The following TENT4A variants were observed in gnomAD, a reference collection of about 807,000 sequenced individuals.
The protein encoded by TENT4A is terminal nucleotidyltransferase 4A.
Under a neutral mutation model 72.8 loss-of-function variants are expected in TENT4A, and 7 were observed. The ratio of observed to expected loss-of-function variants is 0.10; its 90% confidence interval spans 0.05 to 0.18. The LOEUF (loss-of-function observed/expected upper bound fraction) is 0.18, where lower values mean the gene tolerates loss of function less well. TENT4A is among the 10% of genes least tolerant of loss of function. The pLI is 1.00. For synonymous variants in TENT4A, 456 were observed against 434.3 expected, an observed-to-expected ratio of 1.05 and a Z score of -0.62; for missense variants, 831 against 1,017.7, an observed-to-expected ratio of 0.82 and a Z score of 2.50.
At position 6,756,592 on chromosome 5, in the gene TENT4A, G is replaced by C. The variant is rs979817253; in HGVS notation, c.*1647G>C. On this transcript the variant is annotated 3_prime_UTR_variant, in exon 13 of 13. Transcript: ENST00000230859. ...TGGGAGCTGTCAGCTGCGACTGCAG[G>C]TTCTCTAGGAGGCATTCCAGAATAG... is the stretch of plus-strand genomic sequence containing the variant. 6.6e-6 allele frequency: 1 copy of C among 152,414 alleles called. No homozygotes were observed. The highest frequency in any genetic ancestry group is 1.5e-5 in the Non-Finnish European group (1 of 68,040). 9.4% of individuals were successfully genotyped at this position (152,414 alleles called of 1,614,324 possible). A position where few individuals can be genotyped will look rare whatever the true frequency, so the allele number is the denominator to read the frequency against.
intron 12 of TENT4A, among the ~76,000 whole-genome samples, chr5:6,754,540 G>A (rs921838543): frequency 5.9e-5 from 9 of 152,188 alleles, no homozygotes; most frequent in Admixed American, 6.5e-5. Flanking sequence ...TGTGTGGTTT[G>A]ATCCTGGTAC....
chr5:6,735,630 T>C (rs942677370), intron 1 of TENT4A, among the ~76,000 whole-genome samples: 3 of 152,230 alleles, frequency 2.0e-5, no homozygotes, highest in African/African-American at 7.2e-5. Flanking sequence ...GTTGAAAAGA[T>C]AGAAGCTTTA....
chr5:6,754,863 A>G lies in TENT4A; in HGVS notation c.2297A>G (p.His766Arg). 2 of 1,609,614 alleles carry G rather than the reference A, an allele frequency of 1.2e-6. No homozygotes were observed. Among genetic ancestry groups the G allele is most frequent in the Non-Finnish European group, 1.7e-6 (2 of 1,176,880 alleles). ...GVRPPVGNRG[H>R]HQYNRTGWRR... ...CGGCCCCCTGTGGGCAACAGGGGAC[A>G]CCACCAGTATAACCGCACCGGCTGG... The change falls in exon 13 of 13, where the codon CAC becomes CGC. Residue 766 changes from histidine (H) to arginine (R), a missense_variant. Physicochemically the swap from His to Arg is conservative, Grantham distance 29. Around this residue, in one of 3 missense-constraint regions of TENT4A, gnomAD observed 332 missense variants for 324.3 expected, o/e 1.02. Transcript: ENST00000230859.
At chr5:6,750,287 C>T (rs553035343) in intron 9 of TENT4A, 44 bp from the exon 10 acceptor site, 23 of 1,539,492 alleles carry the variant, frequency 1.5e-5, no homozygotes, top group Admixed American at 9.8e-5. Context: ...GGCTCCACGC[C>T]GCAGTTCTCA....
At chr5:6,733,255 C>T (rs1371386510) in intron 1 of TENT4A, among the ~76,000 whole-genome samples, 1 of 152,254 alleles carries the variant, frequency 6.6e-6, no homozygotes, top group Non-Finnish European at 1.5e-5. Flanking sequence ...TCCCAGGTCT[C>T]ACTGGCCGCC....
chr5:6,738,718 T>C lies in TENT4A; in HGVS notation c.876T>C (p.Tyr292=), dbSNP rs2126634632. The C allele has an allele frequency of 6.2e-7, 1 of 1,612,912 alleles. No individual in the cohort carries two copies. Among genetic ancestry groups the C allele is most frequent in the East Asian group, 2.2e-5 (1 of 44,886 alleles). The change falls in exon 3 of 13, where the codon TAT becomes TAC. Residue 292 remains tyrosine, a synonymous_variant. Coordinates refer to ENST00000230859, the MANE Select transcript of TENT4A (RefSeq NM_006999.6). ...QIFGSFSTGL[Y]LPTSDIDLVV... ...TTGGCAGCTTTAGTACAGGTCTTTA[T>C]CTTCCAACTAGGTGAGTACCAGACT...
intron 8 of TENT4A, among the ~76,000 whole-genome samples, chr5:6,749,234 C>T (rs760485475): frequency 1.2e-4 from 19 of 152,124 alleles, no homozygotes; most frequent in Admixed American, 2.0e-4. Flanking sequence ...GCACTCGTCT[C>T]GGTACCGTCT....
intron 4 of TENT4A, 71 bp from the exon 5 acceptor site, chr5:6,742,419 G>T: frequency 1.1e-6 from 1 of 941,014 alleles, no homozygotes; most frequent in South Asian, 1.3e-5. Flanking sequence ...GTACAGCTTT[G>T]GCAGCATTTT....
intron 7 of TENT4A, among the ~76,000 whole-genome samples, chr5:6,747,206 C>T (rs573233746): frequency 3.3e-5 from 5 of 152,212 alleles, no homozygotes; most frequent in South Asian, 4.1e-4. Flanking sequence ...CGTTGGCGGA[C>T]GGGTGACAGA....
chr5:6,754,881 C>G lies in TENT4A; in HGVS notation c.2315C>G (p.Thr772Ser). The G allele has an allele frequency of 6.2e-7, 1 of 1,607,384 alleles. No individual in the cohort carries two copies. Among genetic ancestry groups the G allele is most frequent in the Non-Finnish European group, 8.5e-7 (1 of 1,175,166 alleles). ...AGGGGACACCACCAGTATAACCGCA[C>G]CGGCTGGAGGAGGAAAAAACACACA... Reference protein sequence around the residue: ...GNRGHHQYNRTGWRRKKHTHT... With the variant: ...GNRGHHQYNRSGWRRKKHTHT... Residue 772 changes from threonine to serine, a missense_variant, in exon 13 of 13, where the codon ACC (threonine) becomes AGC (serine). Coordinates refer to ENST00000230859, the MANE Select transcript of TENT4A (RefSeq NM_006999.6).
At position 6,713,931 on chromosome 5, in the gene TENT4A, C is replaced by A. The variant is rs1740224502; in HGVS notation, c.-53C>A. On this transcript the variant is annotated 5_prime_UTR_variant, in exon 1 of 13. Coordinates refer to ENST00000230859, the MANE Select transcript of TENT4A (RefSeq NM_006999.6). ...GCCGGGCCTCGGGGCGCGGCGGGGG[C>A]GGGGCCGCGTCGGGGCGGGCGGGCG... 1 of 772,720 alleles carries A rather than the reference C, an allele frequency of 1.3e-6. No homozygotes were observed. The highest frequency in any genetic ancestry group is 1.6e-6 in the Non-Finnish European group (1 of 639,294). The allele number at this position is 772,720 out of a possible 1,614,324, so 47.9% of individuals were successfully genotyped here.
rs887412820 is a variant in TENT4A at position 6,755,912 on chromosome 5, C to T, written c.*967C>T. ...CTTTAGGAAAATGTGAACTGGAAAA[C>T]GCTTCGGTCAGTTTTAGTGACATAG... On this transcript the variant is annotated 3_prime_UTR_variant, in exon 13 of 13. Coordinates refer to ENST00000230859, the MANE Select transcript of TENT4A (RefSeq NM_006999.6). 1.3e-5 allele frequency: 2 copies of T among 152,196 alleles called. No homozygotes were observed. Among genetic ancestry groups the T allele is most frequent in the South Asian group, 2.1e-4 (1 of 4,830 alleles). 9.4% of individuals were successfully genotyped at this position (152,196 alleles called of 1,614,324 possible). A position where few individuals can be genotyped will look rare whatever the true frequency, so the allele number is the denominator to read the frequency against.
rs1742290035 is a variant in TENT4A, at chr5:6,749,667, T to G, written c.1687+10T>G. ...CCGTCGCCAGGCATGGGTGAGAGAT[T>G]AATTCATTTGTGTTCATCCTAACCA... On this transcript the variant is annotated intron_variant, in intron 9 of 12. Transcript: ENST00000230859. The G allele has an allele frequency of 6.4e-7, 1 of 1,573,268 alleles. No homozygotes were observed. Among genetic ancestry groups the G allele is most frequent in the Admixed American group, 1.7e-5 (1 of 59,736 alleles).
At chr5:6,726,810 C>T (rs1740946291) in intron 1 of TENT4A, among the ~76,000 whole-genome samples, 1 of 152,352 alleles carries the variant, frequency 6.6e-6, no homozygotes, top group Middle Eastern at 3.4e-3. Flanking sequence ...AGCGCCCTCC[C>T]TCCTGCGCCC....
Position 6,714,551 on chromosome 5 carries a change from C to G in TENT4A, c.568C>G (p.Arg190Gly), listed in dbSNP as rs1740261543. 1 of 1,197,432 alleles carries G rather than the reference C, an allele frequency of 8.4e-7. No individual in the cohort carries two copies. The highest frequency in any genetic ancestry group is 1.0e-6 in the Non-Finnish European group (1 of 965,812). The allele number at this position is 1,197,432 out of a possible 1,614,324, so 74.2% of individuals were successfully genotyped here. A position where few individuals can be genotyped will look rare whatever the true frequency, so the allele number is the denominator to read the frequency against. ...QHQFHPGRRK[R>G]ENKASTYGLN... ...CCAGTTCCACCCGGGTCGCCGGAAA[C>G]GCGAGAACAAGGCCAGCACCTACGG... Residue 190 changes from arginine (R) to glycine (G), a missense_variant, in exon 1 of 13, where the codon CGC becomes GGC. Arg to Gly is a moderately radical substitution (Grantham distance 125). Coordinates refer to ENST00000230859, the MANE Select transcript of TENT4A (RefSeq NM_006999.6).
At chr5:6,733,212 A>G (rs1043425555) in intron 1 of TENT4A, among the ~76,000 whole-genome samples, 2 of 152,202 alleles carry the variant, frequency 1.3e-5, no homozygotes, top group African/African-American at 4.8e-5. Context: ...ACTCCTCCCT[A>G]AGAAGCCTCC....
In TENT4A at chr5:6,714,606, C is replaced by T. The variant is rs1740263605; in HGVS notation, c.623C>T (p.Ala208Val). Residue 208 changes from alanine to valine, a missense_variant, in exon 1 of 13, where the codon GCG becomes GTG. Physicochemically the swap from Ala to Val is moderately conservative, Grantham distance 64. This residue lies in a region of TENT4A where 302 missense variants were observed against 293.8 expected (regional missense o/e 1.03). Coordinates refer to ENST00000230859, the MANE Select transcript of TENT4A (RefSeq NM_006999.6). ...GLNYLLSGSR[A>V]AALSGGGGPG... ...AACTACCTGCTGTCCGGCAGCCGCG[C>T]GGCCGCTCTCAGCGGAGGGGGCGGC... 8.3e-7 allele frequency: 1 copy of T among 1,198,440 alleles called. No homozygotes were observed. The highest frequency in any genetic ancestry group is 1.0e-6 in the Non-Finnish European group (1 of 966,314). The allele number at this position is 1,198,440 out of a possible 1,614,324, so 74.2% of individuals were successfully genotyped here.
chr5:6,731,902 A>G (rs1405957866), intron 1 of TENT4A, among the ~76,000 whole-genome samples: 1 of 152,168 alleles, frequency 6.6e-6, no homozygotes, highest in Admixed American at 6.5e-5. Flanking sequence ...GACCTGCGTT[A>G]TGAAGTGTTT....
intron 7 of TENT4A, among the ~76,000 whole-genome samples, chr5:6,747,924 C>T (rs747398060): frequency 3.9e-5 from 6 of 152,214 alleles, no homozygotes; most frequent in African/African-American, 4.8e-5. Context: ...CAGTTTTCCA[C>T]ACGTGAGAAT....
Sources: gnomAD v4.1 joint callset for allele counts (sites outside exome capture counted in the v4.1 genomes callset) on GRCh38, gnomAD v4.1.1 for gene constraint, gnomAD v4.1.1 regional missense constraint, MANE v1.5 for transcripts, NCBI Gene and HGNC (gene_info 2026-07-23, HGNC 2026-07-21) for gene names.